SPATA18: variants seen among roughly 807,000 people sequenced by gnomAD.
The protein encoded by SPATA18 is spermatogenesis associated 18, also known as mitochondria-eating protein.
A neutral mutation model predicts 68.1 loss-of-function variants in SPATA18; 54 were observed. The ratio of observed to expected loss-of-function variants is 0.79; its 90% CI spans 0.64 to 0.99. SPATA18 has a LOEUF of 0.99. Among genes scored for constraint, SPATA18 ranks in the 50% least tolerant of loss-of-function variants. SPATA18 has a pLI of 0.00. For missense variants in SPATA18, 724 were observed against 681.1 expected, an observed-to-expected ratio of 1.06 and a Z score of -0.70; for synonymous variants, 242 against 244.8, an observed-to-expected ratio of 0.99 and a Z score of 0.11.
chr4:52,095,415 T>G lies in SPATA18; in HGVS notation c.*528T>G, dbSNP rs1251710831. 6.5e-6 allele frequency: 1 copy of G among 153,632 alleles called. No homozygotes were observed. Among genetic ancestry groups the G allele is most frequent in the Non-Finnish European group, 1.4e-5 (1 of 69,098 alleles). The allele number at this position is 153,632 out of a possible 1,614,324, so 9.5% of individuals were successfully genotyped here. On this transcript the variant is annotated 3_prime_UTR_variant, in exon 13 of 13. Coordinates refer to ENST00000295213, the MANE Select transcript of SPATA18 (RefSeq NM_145263.4). ...GGGAGCTCATGTTAGTAGCAGTGAC[T>G]TAAGGCTAAGTGTAGAAGATAATTT... is the stretch of plus-strand genomic sequence containing the variant.
Position 52,062,305 on chromosome 4 carries a change from G to T in SPATA18, c.395G>T (p.Arg132Leu). Residue 132 changes from arginine (R) to leucine (L), a missense_variant, in exon 4 of 13, where the codon CGG (arginine) becomes CTG (leucine). By Grantham distance (102) the Arg-to-Leu change is moderately radical (BLOSUM62 -2). Coordinates refer to ENST00000295213, the MANE Select transcript of SPATA18 (RefSeq NM_145263.4). Reference sequence around the variant, plus strand: ...TTAGACTCTAATTTGAACTCAACCCGGAGTCAATGCAACCAGGTTCAAGAC... The same window carrying T: ...TTAGACTCTAATTTGAACTCAACCCTGAGTCAATGCAACCAGGTTCAAGAC... ...QQLDSNLNST[R>L]SQCNQVQDDL... is the part of the protein sequence containing the mutation. The T allele has an allele frequency of 1.9e-6, 3 of 1,609,246 alleles. No homozygotes were observed. The highest frequency in any genetic ancestry group is 2.5e-6 in the Non-Finnish European group (3 of 1,177,284).
At chr4:52,069,771 A>G (rs1739634904) in intron 4 of SPATA18, 50 bp from the exon 5 acceptor site, 1 of 1,412,078 alleles carries the variant, frequency 7.1e-7, no homozygotes, top group Non-Finnish European at 9.6e-7. Flanking sequence ...TGATTTAGAA[A>G]GTCTGCCAAT....
intron 11 of SPATA18, 148 bp downstream of exon 11, chr4:52,085,147 A>T (rs547970064): frequency 3.4e-6 from 2 of 593,208 alleles, no homozygotes; most frequent in African/African-American, 3.8e-5. Flanking sequence ...ATTGATTTTT[A>T]TACTACTGTG....
chr4:52,062,473 C>A, intron 4 of SPATA18, 141 bp downstream of exon 4: 1 of 621,348 alleles, frequency 1.6e-6, no homozygotes, highest in Non-Finnish European at 2.9e-6. Context: ...TGTCTGTGGG[C>A]ATGTGTGTAT....
chr4:52,084,800 G>T, intron 10 of SPATA18, 116 bp from the exon 11 acceptor site: 1 of 958,728 alleles, frequency 1.0e-6, no homozygotes. Flanking sequence ...TCAGTAATGG[G>T]CAAGTGTAAT....
chr4:52,069,901 A>G lies in SPATA18; in HGVS notation c.503A>G (p.Asn168Ser), dbSNP rs746357396. 2 of 1,591,398 alleles carry G rather than the reference A, an allele frequency of 1.3e-6. No homozygotes were observed. The highest frequency in any genetic ancestry group is 2.3e-5 in the South Asian group (2 of 86,922). ...CTTTTGGCTGCAGAGGAGGAAATAA[A>G]TCAGCTGAAAAAGCAGTAAGAAAAA... ...ISLLAAEEEI[N>S]QLKKQLKSLQ... is the part of the protein sequence containing the mutation. Residue 168 changes from asparagine (N) to serine (S), a missense_variant, in exon 5 of 13, where the codon AAT (asparagine) becomes AGT (serine). Transcript: ENST00000295213.
chr4:52,093,526 T>A (rs556018280), intron 11 of SPATA18, among the ~76,000 whole-genome samples: 1 of 152,280 alleles, frequency 6.6e-6, no homozygotes, highest in Admixed American at 6.5e-5. Context: ...AATAAGTATT[T>A]ATGGTAAGTA....
At chr4:52,063,148 CT>C (rs1296185652) in intron 4 of SPATA18, among the ~76,000 whole-genome samples, 1 of 152,008 alleles carries the variant, frequency 6.6e-6, no homozygotes, top group Non-Finnish European at 1.5e-5. Context: ...GAAAGGAAAT[CT>C]TTTTTTAAAA....
Position 52,069,688 on chromosome 4 carries a change from G to T in SPATA18, c.423-133G>T. ...TTGCAATATTACCTGATTGAATGCA[G>T]ATGTCTTTTAATTTGATCTTGTTTA... On this transcript the variant is annotated intron_variant, in intron 4 of 12. Coordinates refer to ENST00000295213, the MANE Select transcript of SPATA18 (RefSeq NM_145263.4). 4 of 449,864 alleles carry T rather than the reference G, an allele frequency of 8.9e-6. No homozygotes were observed. The South Asian group carries it at 2.4e-4, about 28-fold the overall frequency. 27.9% of individuals were successfully genotyped at this position (449,864 alleles called of 1,614,324 possible). A position where few individuals can be genotyped will look rare whatever the true frequency, so the allele number is the denominator to read the frequency against.
chr4:52,090,783 A>C (rs532548969), intron 11 of SPATA18, among the ~76,000 whole-genome samples: 1 of 152,148 alleles, frequency 6.6e-6, no homozygotes, highest in South Asian at 2.1e-4. Flanking sequence ...CTCTTCTTGA[A>C]GAGCATCTTT....
chr4:52,080,987 T>G (rs1740871906), intron 9 of SPATA18, among the ~76,000 whole-genome samples: 1 of 152,242 alleles, frequency 6.6e-6, no homozygotes, highest in African/African-American at 2.4e-5. Flanking sequence ...TTATAGCATG[T>G]AATATTTTCT....
At chr4:52,052,537 C>T (rs12507167) in intron 1 of SPATA18, among the ~76,000 whole-genome samples, 65,350 of 151,946 alleles carry the variant, frequency 0.43, 16,656 homozygotes, top group Non-Finnish European at 0.57. Context: ...TCGGTCGGTC[C>T]GTCTTAAATA....
intron 10 of SPATA18, chr4:52,083,455 A>G (rs781434514): frequency 7.0e-5 from 69 of 985,338 alleles, no homozygotes; most frequent in Non-Finnish European, 8.1e-5. Flanking sequence ...TGTTCCATAA[A>G]TGTTGAGCCC....
At position 52,062,259 on chromosome 4, in the gene SPATA18, C is replaced by T. The variant is rs530243452; in HGVS notation, c.349C>T (p.Arg117Trp). The T allele has an allele frequency of 1.5e-5, 24 of 1,603,156 alleles. No homozygotes were observed. Among genetic ancestry groups the T allele is most frequent in the Non-Finnish European group, 2.0e-5 (23 of 1,174,452 alleles). ...DRERHKDPSP[R>W]DRDMQQLDSN... is the part of the protein sequence containing the mutation. ...GGAGAGACATAAAGATCCCAGTCCT[C>T]GGGATCGGGATATGCAACAGTTAGA... The change falls in exon 4 of 13, where the codon CGG (arginine) becomes TGG (tryptophan). Residue 117 changes from arginine (R) to tryptophan (W), a missense_variant. Arg to Trp is a moderately radical substitution (Grantham distance 101). Transcript: ENST00000295213.
At chr4:52,090,408 G>C (rs1741830366) in intron 11 of SPATA18, among the ~76,000 whole-genome samples, 1 of 152,158 alleles carries the variant, frequency 6.6e-6, no homozygotes, top group Non-Finnish European at 1.5e-5. Flanking sequence ...TGTTTTTGCA[G>C]TGGCTGGTAC....
At chr4:52,092,418 G>T (rs2109542478) in intron 11 of SPATA18, among the ~76,000 whole-genome samples, 1 of 152,340 alleles carries the variant, frequency 6.6e-6, no homozygotes. Context: ...CTGTGCCAGA[G>T]TTCCTCAGGC....
chr4:52,094,753 G>A (rs979961596), intron 12 of SPATA18, 127 bp from the exon 13 acceptor site: 29 of 1,382,572 alleles, frequency 2.1e-5, no homozygotes, highest in Non-Finnish European at 2.9e-5. Context: ...GGGTCATGTA[G>A]AAGGAGCTTC....
chr4:52,055,318 G>A (rs1353662789), intron 1 of SPATA18, among the ~76,000 whole-genome samples: 1 of 152,114 alleles, frequency 6.6e-6, no homozygotes, highest in East Asian at 1.9e-4. Context: ...CTTCATTCAT[G>A]CCCACTTCCA....
chr4:52,064,668 A>G (rs1219892369), intron 4 of SPATA18, among the ~76,000 whole-genome samples: 1 of 151,170 alleles, frequency 6.6e-6, no homozygotes, highest in Non-Finnish European at 1.5e-5. Context: ...TTCTTTATCC[A>G]CTCCTTGGTT....
Sources: allele counts gnomAD v4.1 joint callset (sites outside exome capture counted in the v4.1 genomes callset), GRCh38; gene constraint gnomAD v4.1.1; transcripts MANE v1.5; gene names NCBI Gene and HGNC (gene_info 2026-07-23, HGNC 2026-07-21).